METTL16: variants seen among roughly 807,000 people sequenced by gnomAD.
METTL16 encodes RNA N(6)-adenosine-methyltransferase METTL16.
METTL16 carries 19 observed loss-of-function variants against 57.9 expected under a neutral mutation model. The ratio of observed to expected loss-of-function variants is 0.33; its 90% CI spans 0.23 to 0.48. The LOEUF (loss-of-function observed/expected upper bound fraction) is 0.48. Among genes scored for constraint, METTL16 ranks in the 20% least tolerant of loss-of-function variants. METTL16 has a pLI of 0.99. For missense variants in METTL16, 434 were observed against 691.5 expected (o/e 0.63, Z 4.18); for synonymous variants, 246 against 255.6 (o/e 0.96, Z 0.36).
intron 8 of METTL16, among the ~76,000 whole-genome samples, chr17:2,434,632 C>T (rs116155715): frequency 7.0e-4 from 107 of 152,308 alleles, no homozygotes; most frequent in African/African-American, 2.5e-3. Context: ...ATGTCTGCCC[C>T]ACCCTGGGGC....
intron 6 of METTL16, among the ~76,000 whole-genome samples, chr17:2,455,475 C>G (rs190324575): frequency 2.0e-4 from 30 of 152,236 alleles, no homozygotes; most frequent in Admixed American, 5.2e-4. Flanking sequence ...AACGCAGAAC[C>G]AAGCAGTGAC....
chr17:2,458,328 T>C (rs1382855522), intron 6 of METTL16, among the ~76,000 whole-genome samples: 1 of 151,588 alleles, frequency 6.6e-6, no homozygotes, highest in Admixed American at 6.6e-5. Flanking sequence ...ATCATTGCCA[T>C]AAAGGGCATC....
chr17:2,453,990 C>T (rs2067090527), intron 6 of METTL16, among the ~76,000 whole-genome samples: 1 of 151,916 alleles, frequency 6.6e-6, no homozygotes, highest in Admixed American at 6.6e-5. Flanking sequence ...CCACTCTATC[C>T]CCTGTATGTA....
intron 4 of METTL16, among the ~76,000 whole-genome samples, chr17:2,473,221 G>A (rs1384706679): frequency 1.3e-5 from 2 of 151,888 alleles, no homozygotes; most frequent in African/African-American, 4.8e-5. Flanking sequence ...TGTTTCTAAG[G>A]GGTTATAGCG....
At chr17:2,452,826 T>C (rs1371481529) in intron 6 of METTL16, among the ~76,000 whole-genome samples, 1 of 152,182 alleles carries the variant, frequency 6.6e-6, no homozygotes, top group East Asian at 1.9e-4. Flanking sequence ...ATGTCCATTT[T>C]AAAAGCGTGT....
chr17:2,502,389 G>T, intron 1 of METTL16, 58 bp from the exon 2 acceptor site: 1 of 1,555,276 alleles, frequency 6.4e-7, no homozygotes. Flanking sequence ...CATTAATGGG[G>T]GCCGGGTGCG....
intron 1 of METTL16, among the ~76,000 whole-genome samples, chr17:2,502,973 T>C (rs1173704681): frequency 6.6e-6 from 1 of 152,086 alleles, no homozygotes; most frequent in East Asian, 1.9e-4. Context: ...TGTGAAGAAA[T>C]TGGAGTTCTC....
rs765012986 is a variant in METTL16, at chr17:2,420,274, G to A, written c.1385C>T (p.Pro462Leu). ...TTCCTCACTCCTTTCATCCTCCGTG[G>A]GTTCCGGGTTTTCCTCCTGGGACAG... Reference protein sequence around the residue: ...ESLSQEENPEPTEDERSEEKG... With the variant: ...ESLSQEENPELTEDERSEEKG... The change falls in exon 10 of 10, where the codon CCC (proline) becomes CTC (leucine). Residue 462 changes from proline to leucine, a missense_variant. Coordinates refer to ENST00000263092, the MANE Select transcript of METTL16 (RefSeq NM_024086.4). The surrounding 1 kb of genome is among the most constrained non-coding windows in gnomAD (Gnocchi z 5.4). The A allele has an allele frequency of 6.2e-6, 10 of 1,613,656 alleles. No individual in the cohort carries two copies. Among genetic ancestry groups the A allele is most frequent in the Non-Finnish European group, 8.5e-6 (10 of 1,180,024 alleles).
intron 2 of METTL16, among the ~76,000 whole-genome samples, chr17:2,491,800 G>A (rs1437312914): frequency 6.7e-6 from 1 of 148,840 alleles, no homozygotes; most frequent in Admixed American, 6.7e-5. Flanking sequence ...GCATGAACCT[G>A]GGAGGCAGAG....
chr17:2,482,366 T>C (rs1451483790), intron 2 of METTL16, among the ~76,000 whole-genome samples: 1 of 152,190 alleles, frequency 6.6e-6, no homozygotes, highest in South Asian at 2.1e-4. Context: ...GAGGACTTAC[T>C]GTATAGCAAA....
At chr17:2,472,228 A>G (rs1006790332) in intron 4 of METTL16, among the ~76,000 whole-genome samples, 2 of 152,222 alleles carry the variant, frequency 1.3e-5, no homozygotes, top group African/African-American at 4.8e-5. Context: ...AATGCAAATT[A>G]AAATAATGAA....
At chr17:2,499,530 C>T (rs755757201) in intron 2 of METTL16, among the ~76,000 whole-genome samples, 1 of 151,898 alleles carries the variant, frequency 6.6e-6, no homozygotes, top group African/African-American at 2.4e-5. Flanking sequence ...GAAACAATGA[C>T]TTACAAACAA....
At chr17:2,491,997 G>T (rs1332600259) in intron 2 of METTL16, among the ~76,000 whole-genome samples, 1 of 151,114 alleles carries the variant, frequency 6.6e-6, no homozygotes, top group African/African-American at 2.4e-5. Flanking sequence ...GGATCACGAG[G>T]TCAGGAGATC....
At chr17:2,490,839 A>G (rs1448451916) in intron 2 of METTL16, among the ~76,000 whole-genome samples, 1 of 152,154 alleles carries the variant, frequency 6.6e-6, no homozygotes, top group Non-Finnish European at 1.5e-5. Context: ...CTTGTTATTC[A>G]AATATATATA....
intron 6 of METTL16, among the ~76,000 whole-genome samples, chr17:2,447,754 G>T (rs2067018509): frequency 7.3e-6 from 1 of 136,290 alleles, no homozygotes; most frequent in Non-Finnish European, 1.6e-5. Context: ...GGAGGGAGGT[G>T]GGGGGATCAG....
chr17:2,491,437 C>T (rs1289325853), intron 2 of METTL16, among the ~76,000 whole-genome samples: 1 of 152,104 alleles, frequency 6.6e-6, no homozygotes, highest in East Asian at 1.9e-4. Flanking sequence ...AGAAGCTGAA[C>T]CTGATGCAAC....
chr17:2,462,326 GGA>G (rs1274525852), intron 6 of METTL16, among the ~76,000 whole-genome samples: 3 of 152,178 alleles, frequency 2.0e-5, no homozygotes, highest in African/African-American at 7.2e-5. Context: ...GGCTCAGGAA[GGA>G]GAGAATAGGA....
chr17:2,422,183 G>A (rs1317818833), intron 8 of METTL16, among the ~76,000 whole-genome samples: 2 of 151,754 alleles, frequency 1.3e-5, no homozygotes, highest in African/African-American at 2.4e-5. Flanking sequence ...ATGGGGGCAC[G>A]CACCTATAAT....
chr17:2,463,736 A>C (rs2067170322), intron 6 of METTL16, among the ~76,000 whole-genome samples: 1 of 151,902 alleles, frequency 6.6e-6, no homozygotes, highest in South Asian at 2.1e-4. Context: ...CTGGGATTAC[A>C]GGTGTGAGCC....
Sources: gnomAD v4.1 joint callset for allele counts (sites outside exome capture counted in the v4.1 genomes callset) on GRCh38, gnomAD v4.1.1 for gene constraint, Gnocchi (gnomAD v3.1) non-coding constraint, MANE v1.5 for transcripts, NCBI Gene and HGNC (gene_info 2026-07-23, HGNC 2026-07-21) for gene names.